The following SLC25A43 variants were observed in gnomAD, a reference collection of about 807,000 sequenced individuals.
SLC25A43 encodes the protein solute carrier family 25, member 43.
In SLC25A43, 10 loss-of-function variants were observed where a neutral mutation model predicts 22.8. The ratio of observed to expected loss-of-function variants is 0.44; its 90% CI spans 0.27 to 0.74. The LOEUF is 0.74. SLC25A43 is among the 30% of genes least tolerant of loss of function. The pLI is 0.17. For missense variants in SLC25A43, 233 were observed against 279.1 expected (o/e 0.83, Z 1.18); for synonymous variants, 106 against 121.6 (o/e 0.87, Z 0.84).
intron 3 of SLC25A43, among the ~76,000 whole-genome samples, chrX:119,428,741 C>T (rs1374668811): frequency 8.9e-6 from 1 of 111,892 alleles, no homozygotes; most frequent in Non-Finnish European, 1.9e-5. Flanking sequence ...GGCCACACAG[C>T]GTGAAGTGAG....
intron 3 of SLC25A43, among the ~76,000 whole-genome samples, chrX:119,443,820 A>T (rs190459948): frequency 2.7e-4 from 29 of 109,110 alleles, no homozygotes; most frequent in African/African-American, 9.0e-4. Context: ...ATCTCGGCTC[A>T]CTGCAGCCTC....
intron 3 of SLC25A43, among the ~76,000 whole-genome samples, chrX:119,425,446 G>A (rs962604470): frequency 1.8e-5 from 2 of 111,373 alleles, no homozygotes; most frequent in Non-Finnish European, 3.8e-5. Context: ...GCCTAACAGA[G>A]TCAAATTACC....
At position 119,443,448 on chromosome X, in the gene SLC25A43, C is replaced by CTTT. The variant is rs370848437; in HGVS notation, c.691-8545_691-8543dup. On this transcript the variant is annotated intron_variant, in intron 3 of 4. Transcript: ENST00000217909. Reference sequence around the variant, plus strand: ...CATTCTCTATTCTCTCTCTCTCTCTCTTTTTTTTTTTTTTTTTTGAGACAG... The same window carrying CTTT: ...CATTCTCTATTCTCTCTCTCTCTCTCTTTTTTTTTTTTTTTTTTTTTGAGACAG... Among the ~76,000 whole-genome samples the CTTT allele has an allele frequency of 7.6e-4, 55 of 72,524 alleles. 1 individual carries two copies. Among genetic ancestry groups the CTTT allele is most frequent in the Middle Eastern group, 0.01 (1 of 97 alleles). 63.0% of individuals were successfully genotyped at this position (72,524 alleles called of 115,157 possible).
chrX:119,433,779 G>A, intron 3 of SLC25A43, among the ~76,000 whole-genome samples: 1 of 111,761 alleles, frequency 8.9e-6, no homozygotes, highest in East Asian at 2.8e-4. Flanking sequence ...GAGAGATGAT[G>A]TGAGGTACTG....
chrX:119,410,619 GATTC>G (rs1250021187), intron 3 of SLC25A43, among the ~76,000 whole-genome samples: 2 of 112,000 alleles, frequency 1.8e-5, no homozygotes, highest in African/African-American at 6.5e-5. Context: ...TAGGGGCGGT[GATTC>G]ACGCCTGTAA....
intron 3 of SLC25A43, among the ~76,000 whole-genome samples, chrX:119,416,892 T>TA (rs773710111): frequency 1.8e-5 from 2 of 112,457 alleles, no homozygotes. Context: ...TAGTTTCTCT[T>TA]AAAAAATCTG....
At chrX:119,428,700 C>A (rs1036058151) in intron 3 of SLC25A43, among the ~76,000 whole-genome samples, 1 of 112,355 alleles carries the variant, frequency 8.9e-6, no homozygotes, top group Non-Finnish European at 1.9e-5. Context: ...GTCCCCAACC[C>A]CTGGTCCGTG....
intron 3 of SLC25A43, among the ~76,000 whole-genome samples, chrX:119,424,195 A>G (rs12847047): frequency 0.04 from 4,206 of 104,766 alleles, 221 homozygotes; most frequent in African/African-American, 0.14. Flanking sequence ...CCTGGGCGAC[A>G]GAGCAAGACT....
intron 3 of SLC25A43, among the ~76,000 whole-genome samples, chrX:119,451,467 A>C (rs1045659472): frequency 2.2e-4 from 25 of 111,601 alleles, no homozygotes; most frequent in African/African-American, 8.2e-4. Flanking sequence ...CAGGCCAAGG[A>C]GTATGGTTCA....
intron 3 of SLC25A43, among the ~76,000 whole-genome samples, chrX:119,421,496 C>T (rs2052452191): frequency 8.9e-6 from 1 of 112,123 alleles, no homozygotes; most frequent in Non-Finnish European, 1.9e-5. Flanking sequence ...AGCCCCTTCT[C>T]CCAAGCCCTG....
intron 3 of SLC25A43, among the ~76,000 whole-genome samples, chrX:119,442,865 A>G (rs1202297194): frequency 8.9e-6 from 1 of 111,737 alleles, no homozygotes; most frequent in East Asian, 2.8e-4. Context: ...ATTCCAGCCC[A>G]CTCTTATACT....
intron 1 of SLC25A43, among the ~76,000 whole-genome samples, chrX:119,400,588 G>C (rs2052229011): frequency 8.9e-6 from 1 of 112,235 alleles, no homozygotes; most frequent in Non-Finnish European, 1.9e-5. Flanking sequence ...ATTTGGGAGA[G>C]TCGGTCTTGA....
At chrX:119,452,200 CCTTT>C in intron 4 of SLC25A43, 57 bp downstream of exon 4, 2 of 1,136,604 alleles carry the variant, frequency 1.8e-6, no homozygotes, top group Non-Finnish European at 2.3e-6. Flanking sequence ...CTACCCTCTT[CCTTT>C]GTCACCCCCA....
intron 4 of SLC25A43, among the ~76,000 whole-genome samples, chrX:119,452,492 CAAAA>C (rs376677564): frequency 9.1e-5 from 6 of 66,076 alleles, no homozygotes; most frequent in Non-Finnish European, 1.5e-4. Context: ...AACTCCATGA[CAAAA>C]AAAAAAAAAA....
chrX:119,427,005 C>G (rs1018728929), intron 3 of SLC25A43, among the ~76,000 whole-genome samples: 2 of 111,513 alleles, frequency 1.8e-5, no homozygotes, highest in Non-Finnish European at 3.8e-5. Flanking sequence ...GCTTTACAGA[C>G]AGGCTCCATG....
intron 3 of SLC25A43, among the ~76,000 whole-genome samples, chrX:119,430,212 G>A (rs187548193): frequency 1.2e-4 from 13 of 111,993 alleles, no homozygotes; most frequent in Admixed American, 1.0e-3. Flanking sequence ...CCAATCTAGC[G>A]GGTTGGTTTG....
At chrX:119,400,883 G>A (rs2052232205) in intron 1 of SLC25A43, among the ~76,000 whole-genome samples, 1 of 111,085 alleles carries the variant, frequency 9.0e-6, no homozygotes, top group Non-Finnish European at 1.9e-5. Flanking sequence ...CCTGCAGTCT[G>A]TAAACAGTTC....
chrX:119,448,980 G>A (rs2052686178), intron 3 of SLC25A43, among the ~76,000 whole-genome samples: 2 of 111,408 alleles, frequency 1.8e-5, no homozygotes, highest in Non-Finnish European at 3.8e-5. Flanking sequence ...GGTGAGTGAT[G>A]CTTTTCATGT....
intron 1 of SLC25A43, among the ~76,000 whole-genome samples, chrX:119,402,671 A>G (rs1196808935): frequency 9.0e-6 from 1 of 111,638 alleles, no homozygotes; most frequent in Non-Finnish European, 1.9e-5. Flanking sequence ...GGGTTGCTGC[A>G]ATTCACCAGT....
Sources: gnomAD v4.1 joint callset for allele counts (sites outside exome capture counted in the v4.1 genomes callset) on GRCh38, gnomAD v4.1.1 for gene constraint, MANE v1.5 for transcripts, NCBI Gene and HGNC (gene_info 2026-07-23, HGNC 2026-07-21) for gene names.